FOXP1: variants seen among roughly 807,000 people sequenced by gnomAD.
FOXP1 encodes forkhead box protein P1.
A neutral mutation model predicts 98.2 loss-of-function variants in FOXP1; 15 were observed. The observed-to-expected ratio is 0.15, with a 90% CI of 0.10 to 0.24. The LOEUF (loss-of-function observed/expected upper bound fraction) is 0.24, where lower values mean the gene tolerates loss of function less well. Ranked by LOEUF, FOXP1 falls within the 10% of genes least tolerant of loss-of-function variation. The probability of loss-of-function intolerance (pLI) is 1.00; values close to 1 mark genes in which losing one functional copy is unlikely to be tolerated. For missense variants in FOXP1, 633 were observed against 848.5 expected, an observed-to-expected ratio of 0.75 and a Z score of 3.15; for synonymous variants, 371 against 314.5, an observed-to-expected ratio of 1.18 and a Z score of -1.90.
intron 6 of FOXP1, among the ~76,000 whole-genome samples, chr3:71,158,050 T>C (rs2060911070): frequency 1.4e-5 from 2 of 141,408 alleles, no homozygotes; most frequent in South Asian, 4.7e-4. Context: ...ATTGCACCAC[T>C]GCACTCCAGC....
At chr3:71,149,346 ATAGAGTC>A (rs2060465297) in intron 6 of FOXP1, among the ~76,000 whole-genome samples, 1 of 152,338 alleles carries the variant, frequency 6.6e-6, no homozygotes, top group Admixed American at 6.5e-5. Context: ...ATTGTATTTA[ATAGAGTC>A]TAAAGTACAT....
In FOXP1 at chr3:71,262,700, T is replaced by C. The variant is rs548960139; in HGVS notation, c.-12+37120A>G. ...CTCCGTATTTACCCAGCTCATCTCC[T>C]GTGTAATGGATTTGGAGGAGAGATT... On this transcript the variant is annotated intron_variant, in intron 5 of 20. Coordinates refer to ENST00000649528, the MANE Select transcript of FOXP1 (RefSeq NM_001349338.3). Among the ~76,000 whole-genome samples the C allele has an allele frequency of 1.1e-4, 17 of 152,320 alleles. 1 individual carries two copies. The East Asian group carries it at 3.3e-3, about 29-fold the overall frequency.
intron 5 of FOXP1, among the ~76,000 whole-genome samples, chr3:71,272,757 C>T (rs2070498026): frequency 7.2e-6 from 1 of 139,774 alleles, no homozygotes; most frequent in Non-Finnish European, 1.6e-5. Flanking sequence ...AGAGCTCTGC[C>T]CCTTATTAGG....
chr3:71,056,821 T>TTA (rs1559833510), intron 7 of FOXP1, among the ~76,000 whole-genome samples: 5 of 146,472 alleles, frequency 3.4e-5, no homozygotes, highest in African/African-American at 1.2e-4. Flanking sequence ...GAAAAGAAAT[T>TTA]AAAAAAAAAA....
At chr3:71,053,236 GA>G (rs1441971482) in intron 8 of FOXP1, among the ~76,000 whole-genome samples, 3 of 151,956 alleles carry the variant, frequency 2.0e-5, no homozygotes, top group African/African-American at 4.8e-5. Context: ...TATGTTTAAA[GA>G]AAAAAAATCT....
At chr3:71,510,727 C>T (rs2042145652) in intron 2 of FOXP1, among the ~76,000 whole-genome samples, 1 of 152,188 alleles carries the variant, frequency 6.6e-6, no homozygotes, top group Admixed American at 6.5e-5. Context: ...GCAGACCCAG[C>T]CATTGCTCAT....
At chr3:71,014,192 G>T (rs2044097741) in intron 12 of FOXP1, among the ~76,000 whole-genome samples, 1 of 152,248 alleles carries the variant, frequency 6.6e-6, no homozygotes, top group East Asian at 1.9e-4. Flanking sequence ...CACAGCAAAA[G>T]AAACTACCAT....
At chr3:71,476,537 T>C (rs9854147) in intron 3 of FOXP1, among the ~76,000 whole-genome samples, 10,281 of 152,140 alleles carry the variant, frequency 0.068, 436 homozygotes, top group South Asian at 0.12. Context: ...CATGCCATTT[T>C]GTTATTGCAA....
At chr3:71,135,255 CAAAA>C (rs11285510) in intron 6 of FOXP1, among the ~76,000 whole-genome samples, 1 of 76,338 alleles carries the variant, frequency 1.3e-5, no homozygotes, top group Non-Finnish European at 2.5e-5. Context: ...GCCTCCGTCT[CAAAA>C]AAAAAAAAAA....
intron 6 of FOXP1, among the ~76,000 whole-genome samples, chr3:71,187,222 T>A (rs1026415801): frequency 6.6e-6 from 1 of 152,260 alleles, no homozygotes. Context: ...CATTACAGAA[T>A]ATAATCTTGA....
intron 14 of FOXP1, among the ~76,000 whole-genome samples, chr3:70,986,397 C>T (rs928208121): frequency 1.3e-5 from 2 of 152,230 alleles, no homozygotes; most frequent in Non-Finnish European, 1.5e-5. Flanking sequence ...AACCATTATC[C>T]TATCACTGTT....
intron 3 of FOXP1, among the ~76,000 whole-genome samples, chr3:71,475,370 A>G (rs1015805367): frequency 2.0e-5 from 3 of 152,180 alleles, no homozygotes; most frequent in Admixed American, 6.5e-5. Flanking sequence ...TTGGTCTCAA[A>G]TATTCCCACC....
At chr3:71,368,553 AG>A (rs1577163359) in intron 3 of FOXP1, among the ~76,000 whole-genome samples, 1 of 152,176 alleles carries the variant, frequency 6.6e-6, no homozygotes, top group South Asian at 2.1e-4. Flanking sequence ...CTACAAAAAT[AG>A]GAAGTATGCT....
intron 2 of FOXP1, among the ~76,000 whole-genome samples, chr3:71,565,901 G>T (rs549937350): frequency 6.6e-6 from 1 of 152,278 alleles, no homozygotes; most frequent in South Asian, 2.1e-4. Context: ...GTCATTTGGG[G>T]TCGATAAAGG....
intron 11 of FOXP1, among the ~76,000 whole-genome samples, chr3:71,032,840 A>G (rs949411057): frequency 1.3e-5 from 2 of 152,168 alleles, no homozygotes; most frequent in African/African-American, 4.8e-5. Context: ...GTCATTTATT[A>G]TAAGAATAGG....
intron 2 of FOXP1, among the ~76,000 whole-genome samples, chr3:71,563,280 G>T (rs150992593): frequency 6.6e-6 from 1 of 152,268 alleles, no homozygotes; most frequent in East Asian, 1.9e-4. Flanking sequence ...ACATAGATGG[G>T]CATCTTGTAC....
At chr3:71,087,904 TAA>T (rs1383721503) in intron 7 of FOXP1, among the ~76,000 whole-genome samples, 2 of 152,344 alleles carry the variant, frequency 1.3e-5, no homozygotes, top group Admixed American at 1.3e-4. Context: ...TTTGCATGTA[TAA>T]GTTTTGTAAA....
At chr3:71,559,302 G>A (rs554465408) in intron 2 of FOXP1, among the ~76,000 whole-genome samples, 1 of 152,342 alleles carries the variant, frequency 6.6e-6, no homozygotes, top group African/African-American at 2.4e-5. Flanking sequence ...AAGAATTTCT[G>A]TAACATGGGA....
intron 6 of FOXP1, among the ~76,000 whole-genome samples, chr3:71,134,621 C>T (rs1341299017): frequency 6.6e-6 from 1 of 152,068 alleles, no homozygotes; most frequent in Admixed American, 6.5e-5. Context: ...TTAAGCTGGG[C>T]AATTAAAGCC....
Sources: gnomAD v4.1 joint callset for allele counts (sites outside exome capture counted in the v4.1 genomes callset) on GRCh38, gnomAD v4.1.1 for gene constraint, MANE v1.5 for transcripts, NCBI Gene and HGNC (gene_info 2026-07-23, HGNC 2026-07-21) for gene names.